MAPK10: variants seen among roughly 807,000 people sequenced by gnomAD.
MAPK10 encodes the protein JNK3 alpha protein kinase.
MAPK10 carries 25 observed loss-of-function variants against 59.3 expected under a neutral mutation model. The ratio of observed to expected loss-of-function variants is 0.42; its 90% CI spans 0.31 to 0.59. The LOEUF is 0.59. MAPK10 is among the 20% of genes least tolerant of loss of function. The pLI, the probability that MAPK10 is intolerant of heterozygous loss-of-function variation, is 0.15. For synonymous variants in MAPK10, 190 were observed against 200.5 expected, an observed-to-expected ratio of 0.95 and a Z score of 0.44; for missense variants, 351 against 568.9, an observed-to-expected ratio of 0.62 and a Z score of 3.90.
At chr4:86,026,192 G>C (rs890230931) in intron 13 of MAPK10, among the ~76,000 whole-genome samples, 3 of 152,184 alleles carry the variant, frequency 2.0e-5, no homozygotes, top group African/African-American at 2.4e-5. Context: ...GTCACTGTTA[G>C]TTTTGGGAGC....
intron 2 of MAPK10, among the ~76,000 whole-genome samples, chr4:86,195,646 T>C (rs1399539475): frequency 6.6e-6 from 1 of 152,196 alleles, no homozygotes; most frequent in Non-Finnish European, 1.5e-5. Flanking sequence ...TAGGTATACA[T>C]GTGCCATGGT....
chr4:86,567,034 C>G (rs1316018040), intron 1 of MAPK10, among the ~76,000 whole-genome samples: 1 of 152,078 alleles, frequency 6.6e-6, no homozygotes, highest in Non-Finnish European at 1.5e-5. Flanking sequence ...TCGCTCCAGC[C>G]TGGGTGGCAG....
At chr4:86,424,168 C>G (rs1746954758) in intron 1 of MAPK10, among the ~76,000 whole-genome samples, 2 of 152,062 alleles carry the variant, frequency 1.3e-5, no homozygotes, top group South Asian at 4.2e-4. Context: ...CCGACTTCTT[C>G]AAGTCTTTTT....
chr4:86,249,655 G>A (rs2093315867), intron 2 of MAPK10, among the ~76,000 whole-genome samples: 1 of 152,152 alleles, frequency 6.6e-6, no homozygotes, highest in South Asian at 2.1e-4. Context: ...CTACAGTAAT[G>A]ATCAGTACAT....
chr4:86,270,489 G>T (rs1358574970), intron 2 of MAPK10, among the ~76,000 whole-genome samples: 1 of 151,954 alleles, frequency 6.6e-6, no homozygotes, highest in Non-Finnish European at 1.5e-5. Flanking sequence ...CAAAATTTTA[G>T]TAAGGCAAAG....
intron 7 of MAPK10, among the ~76,000 whole-genome samples, 185 bp downstream of exon 7, chr4:86,101,709 A>G (rs758676151): frequency 6.6e-6 from 1 of 152,238 alleles, no homozygotes; most frequent in Non-Finnish European, 1.5e-5. Context: ...ATAACATTGA[A>G]CAAACTCAAC....
chr4:86,019,941 TAA>T (rs373994853), intron 13 of MAPK10, among the ~76,000 whole-genome samples: 11 of 152,242 alleles, frequency 7.2e-5, no homozygotes, highest in African/African-American at 2.7e-4. Flanking sequence ...ACAGCTTTAT[TAA>T]GATATAATCC....
At chr4:86,256,300 A>G (rs2093703741) in intron 2 of MAPK10, among the ~76,000 whole-genome samples, 1 of 152,226 alleles carries the variant, frequency 6.6e-6, no homozygotes. Flanking sequence ...GTGGAAATAT[A>G]TCCTTAAAAT....
intron 2 of MAPK10, among the ~76,000 whole-genome samples, chr4:86,239,425 C>T (rs2092544379): frequency 6.6e-6 from 1 of 152,104 alleles, no homozygotes; most frequent in Admixed American, 6.6e-5. Flanking sequence ...AGAAATGGTA[C>T]CAGCTCCTCT....
At chr4:86,529,760 T>A (rs1425738019) in intron 1 of MAPK10, among the ~76,000 whole-genome samples, 1 of 152,186 alleles carries the variant, frequency 6.6e-6, no homozygotes, top group Non-Finnish European at 1.5e-5. Context: ...TGCAGAAGGA[T>A]GGCTGATTCC....
At chr4:86,032,994 C>T (rs1337049181) in intron 11 of MAPK10, among the ~76,000 whole-genome samples, 2 of 151,962 alleles carry the variant, frequency 1.3e-5, no homozygotes, top group Non-Finnish European at 2.9e-5. Context: ...CTCACACCAC[C>T]CCAGACAATA....
At chr4:86,350,282 G>A (rs976061801) in intron 2 of MAPK10, among the ~76,000 whole-genome samples, 1 of 148,918 alleles carries the variant, frequency 6.7e-6, no homozygotes, top group East Asian at 2.0e-4. Context: ...TGGCACGATC[G>A]CGGCTCACTG....
chr4:86,239,476 C>G (rs1182732811), intron 2 of MAPK10, among the ~76,000 whole-genome samples: 1 of 152,046 alleles, frequency 6.6e-6, no homozygotes, highest in Non-Finnish European at 1.5e-5. Flanking sequence ...CCGTCTGGTC[C>G]TGGGCTTTTT....
intron 1 of MAPK10, among the ~76,000 whole-genome samples, chr4:86,393,399 G>C (rs903337736): frequency 2.0e-5 from 3 of 150,664 alleles, no homozygotes; most frequent in African/African-American, 7.3e-5. Flanking sequence ...AAAGAATCAA[G>C]AAACTTGATT....
intron 1 of MAPK10, among the ~76,000 whole-genome samples, chr4:86,374,253 G>A (rs923707655): frequency 6.6e-6 from 1 of 152,058 alleles, no homozygotes; most frequent in African/African-American, 2.4e-5. Context: ...ACCAGGGCCT[G>A]TTGGGGGTGG....
At chr4:86,539,719 G>C (rs1758526961) in intron 1 of MAPK10, among the ~76,000 whole-genome samples, 1 of 152,094 alleles carries the variant, frequency 6.6e-6, no homozygotes, top group Non-Finnish European at 1.5e-5. Context: ...CAAGCTTTTT[G>C]GGAACCATTT....
chr4:86,428,212 C>T (rs764082506), intron 1 of MAPK10, among the ~76,000 whole-genome samples: 76 of 151,758 alleles, frequency 5.0e-4, no homozygotes, highest in Admixed American at 7.2e-4. Flanking sequence ...GGTACAATAA[C>T]GGCTCACTGC....
intron 3 of MAPK10, 45 bp from the exon 4 acceptor site, chr4:86,159,512 CAG>C: frequency 6.6e-7 from 1 of 1,526,154 alleles, no homozygotes; most frequent in Non-Finnish European, 9.0e-7. Flanking sequence ...AGTGAACAGG[CAG>C]AATGATAATG....
At chr4:86,592,426 G>A (rs72665771) in intron 1 of MAPK10, among the ~76,000 whole-genome samples, 33,887 of 151,776 alleles carry the variant, frequency 0.22, 4,528 homozygotes, top group Admixed American at 0.3. Context: ...CTACTTTTGC[G>A]GAAATTTACA....
Sources: gnomAD v4.1 joint callset for allele counts (sites outside exome capture counted in the v4.1 genomes callset) on GRCh38, gnomAD v4.1.1 for gene constraint, MANE v1.5 for transcripts, NCBI Gene and HGNC (gene_info 2026-07-23, HGNC 2026-07-21) for gene names.